The following MS4A4A variants were observed in gnomAD, a reference collection of about 807,000 sequenced individuals.
The protein encoded by MS4A4A is membrane-spanning 4-domains subfamily A member 4A.
MS4A4A carries 26 observed loss-of-function variants against 28.0 expected under a neutral mutation model. That is an observed-to-expected ratio of 0.93 (90% confidence interval 0.68 to 1.29). The LOEUF (loss-of-function observed/expected upper bound fraction) is 1.29. MS4A4A is among the 50% of genes most tolerant of loss of function. MS4A4A has a pLI of 0.00. For missense variants in MS4A4A, 290 were observed against 293.1 expected, an observed-to-expected ratio of 0.99 and a Z score of 0.08; for synonymous variants, 86 against 100.8, an observed-to-expected ratio of 0.85 and a Z score of 0.88.
chr11:60,298,947 C>G (rs935255515), intron 3 of MS4A4A, among the ~76,000 whole-genome samples: 2 of 152,154 alleles, frequency 1.3e-5, no homozygotes, highest in African/African-American at 4.8e-5. Flanking sequence ...AGTACCAATA[C>G]CAAGAACCAG....
At chr11:60,293,304 C>A (rs564600354) in intron 2 of MS4A4A, among the ~76,000 whole-genome samples, 7 of 152,174 alleles carry the variant, frequency 4.6e-5, no homozygotes, top group South Asian at 4.1e-4. Context: ...GATCTGCCTG[C>A]TTCAGCCTCC....
At chr11:60,287,564 C>T (rs759573554) in intron 1 of MS4A4A, among the ~76,000 whole-genome samples, 19 of 152,178 alleles carry the variant, frequency 1.2e-4, no homozygotes, top group Non-Finnish European at 2.2e-4. Flanking sequence ...TCATCTACAA[C>T]CCTCCAAAAC....
chr11:60,288,890 G>A (rs1372031898), intron 1 of MS4A4A, among the ~76,000 whole-genome samples: 5 of 152,164 alleles, frequency 3.3e-5, no homozygotes, highest in Non-Finnish European at 7.3e-5. Context: ...GGATTGTTGG[G>A]TGACACAGCT....
chr11:60,299,102 A>G (rs1416264034), intron 3 of MS4A4A, among the ~76,000 whole-genome samples: 1 of 152,236 alleles, frequency 6.6e-6, no homozygotes, highest in African/African-American at 2.4e-5. Flanking sequence ...TCAAATACAC[A>G]GACATACATA....
At chr11:60,289,691 G>T (rs1347240753) in intron 1 of MS4A4A, among the ~76,000 whole-genome samples, 2 of 151,666 alleles carry the variant, frequency 1.3e-5, no homozygotes, top group Non-Finnish European at 2.9e-5. Context: ...ATTCTAATCA[G>T]ACATATTGTA....
intron 5 of MS4A4A, 26 bp from the exon 6 acceptor site, chr11:60,306,074 T>A: frequency 6.5e-7 from 1 of 1,539,406 alleles, no homozygotes; most frequent in South Asian, 1.1e-5. Context: ...ATTTCTCACA[T>A]TCCTTTGTTA....
In MS4A4A at chr11:60,308,134, C is replaced by G; in HGVS notation, c.676C>G (p.His226Asp). 2 of 1,614,010 alleles carry G rather than the reference C, an allele frequency of 1.2e-6. No homozygotes were observed. The highest frequency in any genetic ancestry group is 1.7e-6 in the Non-Finnish European group (2 of 1,179,940). The change falls in exon 7 of 7, where the codon CAC becomes GAC. Residue 226 changes from histidine (H) to aspartate (D), a missense_variant. Physicochemically the swap from His to Asp is moderately conservative, Grantham distance 81. Transcript: ENST00000337908. Reference protein sequence around the residue: ...GVVLILPSHSHMAETASPTPL... With the variant: ...GVVLILPSHSDMAETASPTPL... ...TGTGTTAATTCTGCCATCACATTCTCACATGGCAGAAACAGCATCTCCCAC... is the reference window on the plus strand; with the variant it reads ...TGTGTTAATTCTGCCATCACATTCTGACATGGCAGAAACAGCATCTCCCAC...
chr11:60,307,022 C>G (rs1265067701), intron 6 of MS4A4A, among the ~76,000 whole-genome samples: 1 of 152,018 alleles, frequency 6.6e-6, no homozygotes, highest in Non-Finnish European at 1.5e-5. Flanking sequence ...AAGAAGAGAC[C>G]AAGAAAGAAG....
At chr11:60,284,163 T>A (rs1021356049) in intron 1 of MS4A4A, among the ~76,000 whole-genome samples, 1 of 152,260 alleles carries the variant, frequency 6.6e-6, no homozygotes, top group Non-Finnish European at 1.5e-5. Context: ...CACTGTTTAC[T>A]CAAGTTACTT....
intron 3 of MS4A4A, among the ~76,000 whole-genome samples, chr11:60,297,891 G>A (rs1350164080): frequency 2.0e-5 from 3 of 152,126 alleles, no homozygotes; most frequent in Non-Finnish European, 4.4e-5. Flanking sequence ...TAGTTAGCAA[G>A]GAAGAAGAGG....
intron 1 of MS4A4A, among the ~76,000 whole-genome samples, chr11:60,285,616 C>T (rs12273908): frequency 0.018 from 2,805 of 152,176 alleles, 77 homozygotes; most frequent in African/African-American, 0.063. Context: ...GCTAGGCCTC[C>T]GGGGGTGACA....
At chr11:60,303,446 G>A (rs146925862) in intron 5 of MS4A4A, among the ~76,000 whole-genome samples, 3 of 152,268 alleles carry the variant, frequency 2.0e-5, no homozygotes, top group East Asian at 1.9e-4. Context: ...AGTGGCTCAC[G>A]CCTGTAATCC....
chr11:60,302,623 A>G lies in MS4A4A; in HGVS notation c.452A>G (p.Asn151Ser). The change falls in exon 5 of 7, where the codon AAC becomes AGC. Residue 151 changes from asparagine (N) to serine (S), a missense_variant. By Grantham distance (46) the Asn-to-Ser change is conservative. Transcript: ENST00000337908. ...CTGGCTGCATCAGGGATCTTAATCA[A>G]CACATTTAGCTTGGCGTTTTATTCA... ...SVLAASGILI[N>S]TFSLAFYSFH... 6.2e-7 allele frequency: 1 copy of G among 1,614,176 alleles called. No individual in the cohort carries two copies. The highest frequency in any genetic ancestry group is 8.5e-7 in the Non-Finnish European group (1 of 1,180,010).
intron 4 of MS4A4A, among the ~76,000 whole-genome samples, chr11:60,301,857 G>T (rs749416905): frequency 6.6e-6 from 1 of 152,084 alleles, no homozygotes; most frequent in Non-Finnish European, 1.5e-5. Flanking sequence ...TCGGCTCACC[G>T]CAACCTCCGC....
At chr11:60,295,517 C>T (rs961655808) in intron 2 of MS4A4A, among the ~76,000 whole-genome samples, 1 of 152,012 alleles carries the variant, frequency 6.6e-6, no homozygotes, top group Admixed American at 6.6e-5. Flanking sequence ...CTATGACTTC[C>T]AGTACAATGT....
At chr11:60,302,740 G>C in intron 5 of MS4A4A, 23 bp downstream of exon 5, 1 of 1,606,066 alleles carries the variant, frequency 6.2e-7, no homozygotes, top group Non-Finnish European at 8.5e-7. Context: ...TCTTTTCAGG[G>C]GATATTATTA....
chr11:60,302,633 C>A lies in MS4A4A; in HGVS notation c.462C>A (p.Ser154Arg), dbSNP rs2084961996. 1 of 1,614,040 alleles carries A rather than the reference C, an allele frequency of 6.2e-7. No individual in the cohort carries two copies. Among genetic ancestry groups the A allele is most frequent in the Middle Eastern group, 1.6e-4 (1 of 6,062 alleles). The change falls in exon 5 of 7, where the codon AGC (serine) becomes AGA (arginine). Residue 154 changes from serine to arginine, a missense_variant. Coordinates refer to ENST00000337908, the MANE Select transcript of MS4A4A (RefSeq NM_148975.3). ...CAGGGATCTTAATCAACACATTTAG[C>A]TTGGCGTTTTATTCATTCCATCACC... ...AASGILINTF[S>R]LAFYSFHHPY...
At chr11:60,306,998 A>G (rs1473427853) in intron 6 of MS4A4A, among the ~76,000 whole-genome samples, 2 of 152,216 alleles carry the variant, frequency 1.3e-5, no homozygotes, top group African/African-American at 4.8e-5. Flanking sequence ...AGAGGAAAGC[A>G]GGGAATGGAA....
Position 60,288,054 on chromosome 11 carries a change from G to A in MS4A4A, c.42-4171G>A, listed in dbSNP as rs548813522. ...TGCATGCTAGTGGCCCTATAGTTCCGAGATCTCAAAGGTAGCCTCACTACC... is the reference window on the plus strand; with the variant it reads ...TGCATGCTAGTGGCCCTATAGTTCCAAGATCTCAAAGGTAGCCTCACTACC... On this transcript the variant is annotated intron_variant, in intron 1 of 6. Coordinates refer to ENST00000337908, the MANE Select transcript of MS4A4A (RefSeq NM_148975.3). Among the ~76,000 whole-genome samples, 77 of 152,232 alleles carry A rather than the reference G, an allele frequency of 5.1e-4. 2 individuals are homozygous for A. Among genetic ancestry groups the A allele is most frequent in the South Asian group, 2.5e-3 (12 of 4,828 alleles).
Sources: allele counts gnomAD v4.1 joint callset (sites outside exome capture counted in the v4.1 genomes callset), GRCh38; gene constraint gnomAD v4.1.1; transcripts MANE v1.5; gene names NCBI Gene and HGNC (gene_info 2026-07-23, HGNC 2026-07-21).